The following MCPH1 variants were observed in gnomAD, a reference collection of about 807,000 sequenced individuals.
MCPH1 encodes microcephalin.
A neutral mutation model predicts 84.5 loss-of-function variants in MCPH1; 104 were observed. The ratio of observed to expected loss-of-function variants is 1.23; its 90% CI spans 1.05 to 1.45. The LOEUF (loss-of-function observed/expected upper bound fraction) is 1.45, where lower values mean the gene tolerates loss of function less well. Among genes scored for constraint, MCPH1 ranks in the 40% most tolerant of loss-of-function variants. MCPH1 has a pLI of 0.00. For missense variants in MCPH1, 1,498 were observed against 1,005.7 expected, an observed-to-expected ratio of 1.49 and a Z score of -6.62; for synonymous variants, 514 against 366.8, an observed-to-expected ratio of 1.40 and a Z score of -4.58.
chr8:6,416,324 T>C (rs574234940), intron 3 of MCPH1, among the ~76,000 whole-genome samples: 62 of 151,940 alleles, frequency 4.1e-4, no homozygotes, highest in Non-Finnish European at 6.8e-4. Context: ...TTATTTGTTC[T>C]GGCCAGAACC....
intron 3 of MCPH1, among the ~76,000 whole-genome samples, chr8:6,416,878 C>T (rs776595202): frequency 2.0e-5 from 3 of 151,938 alleles, no homozygotes; most frequent in Admixed American, 2.0e-4. Context: ...CCTATAGTCC[C>T]AGCTACTCGG....
chr8:6,519,923 C>G (rs772416353), intron 12 of MCPH1: 2 of 1,613,884 alleles, frequency 1.2e-6, no homozygotes, highest in South Asian at 1.1e-5. Context: ...GTGGTGTGTC[C>G]TGATTTGAAT....
In MCPH1 at chr8:6,621,710, A is replaced by G. The variant is rs1380644028; in HGVS notation, c.2452+19A>G. Reference sequence around the variant, plus strand: ...GTCTTAGGTAAGAATCCAGGCACACAGACGCTGTGGTGTGGTCCAGATCTG... The same window carrying G: ...GTCTTAGGTAAGAATCCAGGCACACGGACGCTGTGGTGTGGTCCAGATCTG... On this transcript the variant is annotated intron_variant, in intron 13 of 13. Transcript: ENST00000344683. 3 of 1,613,874 alleles carry G rather than the reference A, an allele frequency of 1.9e-6. No individual in the cohort carries two copies. The highest frequency in any genetic ancestry group is 2.5e-6 in the Non-Finnish European group (3 of 1,180,022).
At chr8:6,623,687 C>CAA (rs1831727513) in intron 13 of MCPH1, among the ~76,000 whole-genome samples, 1 of 17,014 alleles carries the variant, frequency 5.9e-5, no homozygotes, top group African/African-American at 2.9e-4. Flanking sequence ...AAACCAACTT[C>CAA]CAAAAAAAAA....
At chr8:6,586,286 G>A (rs983532942) in intron 12 of MCPH1, among the ~76,000 whole-genome samples, 2 of 152,122 alleles carry the variant, frequency 1.3e-5, no homozygotes, top group African/African-American at 2.4e-5. Context: ...ACCGGCAGCT[G>A]GGCAATAATA....
intron 12 of MCPH1, among the ~76,000 whole-genome samples, chr8:6,580,828 A>C: frequency 6.6e-6 from 1 of 152,210 alleles, no homozygotes; most frequent in Non-Finnish European, 1.5e-5. Context: ...TATTCCTGTA[A>C]ATAACTTTGC....
At chr8:6,495,702 T>G (rs1328977100) in intron 11 of MCPH1, among the ~76,000 whole-genome samples, 1 of 152,202 alleles carries the variant, frequency 6.6e-6, no homozygotes, top group Non-Finnish European at 1.5e-5. Context: ...TTTACCACAG[T>G]TGGTGGAGTG....
intron 12 of MCPH1, chr8:6,501,597 C>G (rs1297615241): frequency 6.8e-6 from 1 of 148,012 alleles, no homozygotes; most frequent in Non-Finnish European, 1.5e-5. Context: ...CTCTGTTGCC[C>G]CGGCTGGAGT....
intron 12 of MCPH1, among the ~76,000 whole-genome samples, chr8:6,609,821 C>CCCCCCCCT (rs1830105678): frequency 1.6e-5 from 1 of 61,480 alleles, no homozygotes; most frequent in Non-Finnish European, 5.3e-5. Context: ...TGCCCCCCGC[C>CCCCCCCCT]CCCCCCCCAC....
At chr8:6,475,640 C>T (rs1378495236) in intron 9 of MCPH1, among the ~76,000 whole-genome samples, 1 of 152,166 alleles carries the variant, frequency 6.6e-6, no homozygotes, top group African/African-American at 2.4e-5. Flanking sequence ...TGCTCTATCC[C>T]CAGGTCACCA....
At chr8:6,443,930 C>T (rs1415839131) in intron 7 of MCPH1, among the ~76,000 whole-genome samples, 3 of 152,166 alleles carry the variant, frequency 2.0e-5, no homozygotes, top group Non-Finnish European at 4.4e-5. Flanking sequence ...TTTTGAATAT[C>T]AGTGTAATAC....
chr8:6,567,539 G>A (rs1826298531), intron 12 of MCPH1, among the ~76,000 whole-genome samples: 1 of 152,208 alleles, frequency 6.6e-6, no homozygotes, highest in African/African-American at 2.4e-5. Flanking sequence ...GGTGGGGAGA[G>A]GGGCCAGGAA....
At chr8:6,620,994 C>G (rs1831352500) in intron 12 of MCPH1, 1 of 224,490 alleles carries the variant, frequency 4.5e-6, no homozygotes, top group Non-Finnish European at 8.9e-6. Context: ...TTTCTTACAT[C>G]CTATAAAAGT....
At chr8:6,469,695 A>G (rs1807459944) in intron 9 of MCPH1, among the ~76,000 whole-genome samples, 1 of 152,230 alleles carries the variant, frequency 6.6e-6, no homozygotes, top group Non-Finnish European at 1.5e-5. Flanking sequence ...ATTTCAAAGA[A>G]TGTTTTGTTT....
In MCPH1 at chr8:6,438,941, G is replaced by C; in HGVS notation, c.437-12G>C. The C allele has an allele frequency of 1.2e-6, 2 of 1,610,116 alleles. No individual in the cohort carries two copies. Among genetic ancestry groups the C allele is most frequent in the South Asian group, 2.2e-5 (2 of 90,986 alleles). The stretch of plus-strand genomic sequence containing the variant: ...TTTTTGGTCTTAAAGTGGATTTTTT[G>C]TTTATTTTCAGATGATGATGTACCT... On this transcript the variant is annotated splice_polypyrimidine_tract_variant and intron_variant, in intron 5 of 13. Coordinates refer to ENST00000344683, the MANE Select transcript of MCPH1 (RefSeq NM_024596.5).
At chr8:6,446,108 C>G (rs771828254) in intron 8 of MCPH1, 59 of 969,870 alleles carry the variant, frequency 6.1e-5, no homozygotes, top group Non-Finnish European at 6.9e-5. Context: ...TTGTAACAAG[C>G]CTTGTTTAAC....
intron 12 of MCPH1, chr8:6,503,134 G>T: frequency 6.2e-7 from 1 of 1,614,186 alleles, no homozygotes; most frequent in Non-Finnish European, 8.5e-7. Context: ...TCATGGTTGT[G>T]GCCTTGAGCG....
chr8:6,523,142 C>T (rs1319409541), intron 12 of MCPH1, among the ~76,000 whole-genome samples: 6 of 151,960 alleles, frequency 3.9e-5, no homozygotes, highest in African/African-American at 1.2e-4. Flanking sequence ...GGACTACAGG[C>T]GCATGTCACC....
intron 4 of MCPH1, among the ~76,000 whole-genome samples, chr8:6,434,404 C>T (rs533045301): frequency 1.3e-5 from 2 of 152,310 alleles, no homozygotes; most frequent in South Asian, 4.2e-4. Flanking sequence ...CCCCAAACTT[C>T]CCGGACCTGT....
Sources: allele counts gnomAD v4.1 joint callset (sites outside exome capture counted in the v4.1 genomes callset), GRCh38; gene constraint gnomAD v4.1.1; transcripts MANE v1.5; gene names NCBI Gene and HGNC (gene_info 2026-07-23, HGNC 2026-07-21).